Variants in KCNAB2 observed in about 807,000 individuals in gnomAD.
KCNAB2 encodes the protein potassium voltage-gated channel subfamily A regulatory beta subunit 2, also known as voltage-gated potassium channel subunit beta-2.
A neutral mutation model predicts 63.6 loss-of-function variants in KCNAB2; 29 were observed. The observed-to-expected ratio is 0.46, with a 90% CI of 0.34 to 0.62. The LOEUF (loss-of-function observed/expected upper bound fraction) is 0.62, where lower values mean the gene tolerates loss of function less well. Among genes scored for constraint, KCNAB2 ranks in the 20% least tolerant of loss-of-function variants. KCNAB2 has a pLI of 0.01. For synonymous variants in KCNAB2, 222 were observed against 224.2 expected (o/e 0.99, Z 0.09); for missense variants, 359 against 563.9 (o/e 0.64, Z 3.68).
In KCNAB2 at chr1:6,095,361, G is replaced by T. The variant is rs367915512; in HGVS notation, c.771G>T (p.Pro257=). 1.2e-6 allele frequency: 2 copies of T among 1,612,956 alleles called. No homozygotes were observed. The highest frequency in any genetic ancestry group is 1.7e-6 in the Non-Finnish European group (2 of 1,180,008). Residue 257 remains proline, a synonymous_variant, in exon 12 of 16, where the codon CCG becomes CCT. Coordinates refer to ENST00000378083, the MANE Select transcript of KCNAB2 (RefSeq NM_001199862.2). The part of the protein sequence containing the change: ...YSVARQFNLT[P]PICEQAEYHM... Reference sequence around the variant, plus strand: ...TGGCCCGGCAGTTCAACCTGACCCCGCCCATCTGCGAGCAGGCTGAGTACC... The same window carrying T: ...TGGCCCGGCAGTTCAACCTGACCCCTCCCATCTGCGAGCAGGCTGAGTACC...
upstream of KCNAB2, among the ~76,000 whole-genome samples, chr1:6,030,266 C>T (rs574248788): frequency 2.0e-5 from 3 of 152,280 alleles, no homozygotes; most frequent in Admixed American, 6.5e-5. Flanking sequence ...GCTGGGGTTG[C>T]CTGGTCCAGG....
At chr1:6,095,479 C>A in intron 12 of KCNAB2, 36 bp downstream of exon 12, 1 of 1,611,950 alleles carries the variant, frequency 6.2e-7, no homozygotes. Context: ...CGCCCCACCC[C>A]ACCCCTGCTC....
upstream of KCNAB2, among the ~76,000 whole-genome samples, chr1:6,029,911 A>G (rs1659468655): frequency 6.6e-6 from 1 of 152,238 alleles, no homozygotes; most frequent in African/African-American, 2.4e-5. Flanking sequence ...GCAAGATTTC[A>G]GCTTAGAGAG....
rs1193876943 is a variant in KCNAB2, at chr1:6,069,356, C to T, written c.219-3399C>T. ...CTTTGTAAAATGACCTGTCATTTCCCGGAGCCTTCCAGCTCCGGCCCTTCC... is the reference window on the plus strand; with the variant it reads ...CTTTGTAAAATGACCTGTCATTTCCTGGAGCCTTCCAGCTCCGGCCCTTCC... On this transcript the variant is annotated intron_variant, in intron 2 of 15. Coordinates refer to ENST00000378083, the MANE Select transcript of KCNAB2 (RefSeq NM_001199862.2). The surrounding 1 kb of genome is among the most constrained non-coding windows in gnomAD (Gnocchi z 5.4). 6.6e-6 allele frequency among the ~76,000 whole-genome samples: 1 copy of T among 152,152 alleles called. No individual in the cohort carries two copies. Among genetic ancestry groups the T allele is most frequent in the African/African-American group, 2.4e-5 (1 of 41,430 alleles).
At chr1:6,093,541 G>A (rs1261116671) in intron 10 of KCNAB2, among the ~76,000 whole-genome samples, 4 of 152,340 alleles carry the variant, frequency 2.6e-5, no homozygotes, top group East Asian at 1.9e-4. Context: ...AAAGGCCAGC[G>A]TGAAGTCTCC....
intron 1 of KCNAB2, among the ~76,000 whole-genome samples, chr1:6,007,115 A>G (rs957798249): frequency 2.0e-5 from 3 of 152,152 alleles, no homozygotes; most frequent in African/African-American, 7.2e-5. Flanking sequence ...CGAGGCTGCC[A>G]TAGAGACTCA....
chr1:6,099,882 G>C lies in KCNAB2; in HGVS notation c.*1308G>C, dbSNP rs768775591. The stretch of plus-strand genomic sequence containing the variant: ...ACGCCCCCGTGCAGCTTGGGCCGGA[G>C]GGCAAGGGATGCCAGTAAGTCTGCA... On this transcript the variant is annotated 3_prime_UTR_variant, in exon 16 of 16. Coordinates refer to ENST00000378083, the MANE Select transcript of KCNAB2 (RefSeq NM_001199862.2). 105 of 1,550,112 alleles carry C rather than the reference G, an allele frequency of 6.8e-5. No individual in the cohort carries two copies. Among genetic ancestry groups the C allele is most frequent in the Non-Finnish European group, 8.9e-5 (102 of 1,146,824 alleles).
At chr1:6,066,137 G>A (rs1557474414) in intron 2 of KCNAB2, among the ~76,000 whole-genome samples, 1 of 152,206 alleles carries the variant, frequency 6.6e-6, no homozygotes, top group African/African-American at 2.4e-5. Context: ...GGGCCGACCG[G>A]CGGCCAGCAG....
rs1193068878 is a variant in KCNAB2, at chr1:6,085,165, T to C, written c.381-39T>C. The C allele has an allele frequency of 2.5e-6, 4 of 1,611,998 alleles. No homozygotes were observed. The African/African-American group carries it at 4.0e-5, about 16-fold the overall frequency. On this transcript the variant is annotated intron_variant, in intron 5 of 15. Transcript: ENST00000378083. ...ACAGTGGGTCTGGGTTTGATTTTTC[T>C]GTTTGGCTGTGATGAGAGCTCGGTG...
At chr1:6,015,312 G>A (rs900530011) in intron 1 of KCNAB2, among the ~76,000 whole-genome samples, 3 of 152,164 alleles carry the variant, frequency 2.0e-5, no homozygotes, top group Non-Finnish European at 2.9e-5. Flanking sequence ...TTACAGGCGT[G>A]AGCCCCTGTG....
intron 2 of KCNAB2, among the ~76,000 whole-genome samples, chr1:6,058,951 A>T (rs1178353844): frequency 6.6e-6 from 1 of 151,800 alleles, no homozygotes; most frequent in Non-Finnish European, 1.5e-5. Context: ...GGTCATGGTC[A>T]TCCCAGGCCT....
Position 6,101,176 on chromosome 1 carries a change from ACCC to A in KCNAB2, c.*2603_*2605del, listed in dbSNP as rs1666009576. On this transcript the variant is annotated 3_prime_UTR_variant, in exon 16 of 16. Coordinates refer to ENST00000378083, the MANE Select transcript of KCNAB2 (RefSeq NM_001199862.2). ...GAATGACAAAATAAATAAAGCCCAA[ACCC>A]ATCGGTCTCTGTGACTTTTTGCTCC... The A allele has an allele frequency of 6.6e-6, 1 of 152,056 alleles. No homozygotes were observed. Among genetic ancestry groups the A allele is most frequent in the African/African-American group, 2.4e-5 (1 of 41,388 alleles). 9.4% of individuals were successfully genotyped at this position (152,056 alleles called of 1,614,324 possible).
At chr1:6,039,563 C>A (rs1020521085) in intron 1 of KCNAB2, among the ~76,000 whole-genome samples, 1 of 152,170 alleles carries the variant, frequency 6.6e-6, no homozygotes, top group Non-Finnish European at 1.5e-5. Flanking sequence ...CCTGCAGCTT[C>A]CAACTGCCCA....
intron 2 of KCNAB2, 49 bp from the exon 3 acceptor site, chr1:6,072,706 G>T: frequency 6.2e-7 from 1 of 1,604,032 alleles, no homozygotes; most frequent in Non-Finnish European, 8.5e-7. Flanking sequence ...AGCCTGGCTG[G>T]CAGGGTCCTG....
chr1:6,097,658 G>A, intron 15 of KCNAB2: 1 of 574,756 alleles, frequency 1.7e-6, no homozygotes, highest in Non-Finnish European at 3.1e-6. Flanking sequence ...TCAGGTTCAA[G>A]GGGGCCTGTC....
intron 1 of KCNAB2, among the ~76,000 whole-genome samples, chr1:6,021,994 G>A (rs1037973995): frequency 8.6e-5 from 13 of 152,046 alleles, no homozygotes; most frequent in Admixed American, 1.3e-4. Flanking sequence ...AGTGGTACGA[G>A]TGTATAGTTC....
chr1:6,088,036 TC>T (rs1664850567), intron 7 of KCNAB2, among the ~76,000 whole-genome samples: 1 of 152,112 alleles, frequency 6.6e-6, no homozygotes, highest in African/African-American at 2.4e-5. Flanking sequence ...ATTCATTCAT[TC>T]TTTTTTTTAT....
In KCNAB2 at chr1:6,069,207, T is replaced by G. The variant is rs755338429; in HGVS notation, c.219-3548T>G. Among the ~76,000 whole-genome samples the G allele has an allele frequency of 1.7e-4, 26 of 152,172 alleles. No homozygotes were observed. The highest frequency in any genetic ancestry group is 2.2e-4 in the Non-Finnish European group (15 of 68,020). On this transcript the variant is annotated intron_variant, in intron 2 of 15. Coordinates refer to ENST00000378083, the MANE Select transcript of KCNAB2 (RefSeq NM_001199862.2). This position sits in a 1 kb window ranked among gnomAD's most constrained non-coding sequence, Gnocchi z 5.4. ...CGGAGCAGACAGGCGAGCAGGGCAC[T>G]AACAGGAGCCACCCCATGTGCCTTC... is the stretch of plus-strand genomic sequence containing the variant.
chr1:6,048,332 C>T (rs1226981486), intron 1 of KCNAB2, among the ~76,000 whole-genome samples: 2 of 152,228 alleles, frequency 1.3e-5, no homozygotes, highest in Admixed American at 1.3e-4. Context: ...AGACTGTCTT[C>T]TGGCTGCGTC....
Sources: allele counts gnomAD v4.1 joint callset (sites outside exome capture counted in the v4.1 genomes callset), GRCh38; gene constraint gnomAD v4.1.1; non-coding constraint Gnocchi (gnomAD v3.1); transcripts MANE v1.5; gene names NCBI Gene and HGNC (gene_info 2026-07-23, HGNC 2026-07-21).